Variants in HS3ST5 observed in about 807,000 individuals in gnomAD.
HS3ST5 encodes the protein heparan sulfate-glucosamine 3-sulfotransferase 5.
A neutral mutation model predicts 25.4 loss-of-function variants in HS3ST5; 10 were observed. The ratio of observed to expected loss-of-function variants is 0.39; its 90% CI spans 0.24 to 0.67. The LOEUF (loss-of-function observed/expected upper bound fraction) is 0.67, where lower values mean the gene tolerates loss of function less well. Ranked by LOEUF, HS3ST5 falls within the 30% of genes least tolerant of loss-of-function variation. The pLI is 0.44. For synonymous variants in HS3ST5, 170 were observed against 162.4 expected (o/e 1.05, Z -0.36); for missense variants, 324 against 420.7 (o/e 0.77, Z 2.01).
At position 114,062,858 on chromosome 6, in the gene HS3ST5, A is replaced by G. The variant is rs1773214656; in HGVS notation, c.-13T>C. Reference sequence around the variant, plus strand: ...GTTTGAATAGCATGGCCCTCCATCAACCTTCAGGACTGCTGCAGCCTGCGA... The same window carrying G: ...GTTTGAATAGCATGGCCCTCCATCAGCCTTCAGGACTGCTGCAGCCTGCGA... On this transcript the variant is annotated 5_prime_UTR_variant, in exon 4 of 5. Coordinates refer to ENST00000312719, the MANE Select transcript of HS3ST5 (RefSeq NM_153612.4). 1 of 1,602,342 alleles carries G rather than the reference A, an allele frequency of 6.2e-7. No homozygotes were observed. The highest frequency in any genetic ancestry group is 2.2e-5 in the East Asian group (1 of 44,792).
intron 1 of HS3ST5, among the ~76,000 whole-genome samples, chr6:114,309,781 A>T (rs1582806304): frequency 6.6e-6 from 1 of 152,310 alleles, no homozygotes; most frequent in East Asian, 1.9e-4. Flanking sequence ...TTTGTGTTAA[A>T]TTTTTTAAAT....
chr6:114,165,719 G>T (rs921912883), intron 3 of HS3ST5, among the ~76,000 whole-genome samples: 3 of 152,120 alleles, frequency 2.0e-5, no homozygotes, highest in Non-Finnish European at 2.9e-5. Flanking sequence ...CTACATCATT[G>T]GTTTGGTCTT....
At chr6:114,255,956 A>C (rs1772889758) in intron 1 of HS3ST5, among the ~76,000 whole-genome samples, 1 of 152,194 alleles carries the variant, frequency 6.6e-6, no homozygotes, top group South Asian at 2.1e-4. Context: ...TTACTTATGC[A>C]AATTTATGCA....
At chr6:114,180,231 C>G (rs1332832299) in intron 2 of HS3ST5, among the ~76,000 whole-genome samples, 1 of 152,110 alleles carries the variant, frequency 6.6e-6, no homozygotes, top group East Asian at 1.9e-4. Context: ...CAATACTGCT[C>G]TCTAACTCTG....
intron 2 of HS3ST5, among the ~76,000 whole-genome samples, chr6:114,181,192 G>A (rs1359186651): frequency 1.3e-5 from 2 of 152,188 alleles, no homozygotes; most frequent in African/African-American, 4.8e-5. Flanking sequence ...CATTGCAGAG[G>A]AGAACACAGA....
intron 3 of HS3ST5, among the ~76,000 whole-genome samples, chr6:114,118,285 T>G (rs778271439): frequency 1.5e-4 from 23 of 152,098 alleles, no homozygotes; most frequent in Non-Finnish European, 2.9e-5. Context: ...GGTATAATTT[T>G]CAGCGGAAAA....
intron 3 of HS3ST5, among the ~76,000 whole-genome samples, chr6:114,094,778 A>T (rs2114803612): frequency 6.6e-6 from 1 of 152,284 alleles, no homozygotes; most frequent in East Asian, 1.9e-4. Context: ...GTATGGGCAG[A>T]ACCTGTGACT....
At chr6:114,077,796 T>G (rs1454926288) in intron 3 of HS3ST5, among the ~76,000 whole-genome samples, 1 of 152,236 alleles carries the variant, frequency 6.6e-6, no homozygotes, top group Non-Finnish European at 1.5e-5. Flanking sequence ...TTGTTTTTAA[T>G]GAAGACCAAA....
At chr6:114,103,272 T>TA (rs1371555850) in intron 3 of HS3ST5, among the ~76,000 whole-genome samples, 1 of 152,064 alleles carries the variant, frequency 6.6e-6, no homozygotes, top group Non-Finnish European at 1.5e-5. Context: ...GCTCAGGAAT[T>TA]AGAGATTATT....
At chr6:114,219,810 A>G (rs183515652) in intron 2 of HS3ST5, among the ~76,000 whole-genome samples, 126 of 152,284 alleles carry the variant, frequency 8.3e-4, no homozygotes, top group Non-Finnish European at 1.5e-3. Flanking sequence ...TACCATGTGT[A>G]CTGGAACAGG....
intron 1 of HS3ST5, among the ~76,000 whole-genome samples, chr6:114,324,967 T>G (rs1582817206): frequency 6.6e-6 from 1 of 152,220 alleles, no homozygotes; most frequent in South Asian, 2.1e-4. Flanking sequence ...TGATTATACT[T>G]GCAGGAAATG....
intron 2 of HS3ST5, among the ~76,000 whole-genome samples, chr6:114,186,458 A>T (rs1321708281): frequency 6.6e-6 from 1 of 152,200 alleles, no homozygotes; most frequent in Non-Finnish European, 1.5e-5. Flanking sequence ...CCCCTAAGTT[A>T]AAGACTAATC....
intron 3 of HS3ST5, among the ~76,000 whole-genome samples, chr6:114,122,865 T>C (rs778571842): frequency 4.6e-5 from 7 of 152,240 alleles, no homozygotes; most frequent in Non-Finnish European, 8.8e-5. Context: ...TGCAGTGATA[T>C]TTATTGTTGG....
chr6:114,229,533 T>C (rs556238209), intron 1 of HS3ST5, among the ~76,000 whole-genome samples: 20 of 152,186 alleles, frequency 1.3e-4, no homozygotes, highest in Non-Finnish European at 2.4e-4. Context: ...GTTCTATTGC[T>C]TGGCCAACCA....
intron 3 of HS3ST5, among the ~76,000 whole-genome samples, chr6:114,138,369 A>G (rs950750770): frequency 1.7e-4 from 26 of 152,204 alleles, no homozygotes; most frequent in Admixed American, 7.2e-4. Flanking sequence ...CATAATTAAA[A>G]GCAAAATATA....
intron 2 of HS3ST5, among the ~76,000 whole-genome samples, chr6:114,227,587 T>C (rs1771361322): frequency 6.6e-6 from 1 of 152,038 alleles, no homozygotes; most frequent in African/African-American, 2.4e-5. Flanking sequence ...CAAATGTACA[T>C]GTAAACTTCC....
At chr6:114,210,586 G>A (rs939763560) in intron 2 of HS3ST5, among the ~76,000 whole-genome samples, 4 of 152,142 alleles carry the variant, frequency 2.6e-5, no homozygotes, top group Non-Finnish European at 4.4e-5. Flanking sequence ...TAGTCCATAA[G>A]AGCATGTACT....
intron 3 of HS3ST5, chr6:114,084,404 C>A (rs1011151073): frequency 5.3e-6 from 4 of 755,442 alleles, no homozygotes; most frequent in African/African-American, 5.1e-5. Flanking sequence ...GCATTTTCAG[C>A]AGCAGCCTGC....
In HS3ST5 at chr6:114,057,476, A is replaced by T; in HGVS notation, c.822T>A (p.Asn274Lys). The T allele has an allele frequency of 1.2e-6, 2 of 1,614,162 alleles. No homozygotes were observed. Among genetic ancestry groups the T allele is most frequent in the Non-Finnish European group, 1.7e-6 (2 of 1,180,028 alleles). ...TGTATTGACTTATCCTTGGAGGCAGATTTAGGAACTTCTCCACGAGCTGAA... is the reference window on the plus strand; with the variant it reads ...TGTATTGACTTATCCTTGGAGGCAGTTTTAGGAACTTCTCCACGAGCTGAA... ...PELQLVEKFL[N>K]LPPRISQYNL... Residue 274 changes from asparagine (N) to lysine (K), a missense_variant, in exon 5 of 5, where the codon AAT becomes AAA. By Grantham distance (94) the Asn-to-Lys change is moderately conservative (BLOSUM62 0). Coordinates refer to ENST00000312719, the MANE Select transcript of HS3ST5 (RefSeq NM_153612.4).
Sources: gnomAD v4.1 joint callset for allele counts (sites outside exome capture counted in the v4.1 genomes callset) on GRCh38, gnomAD v4.1.1 for gene constraint, MANE v1.5 for transcripts, NCBI Gene and HGNC (gene_info 2026-07-23, HGNC 2026-07-21) for gene names.